The following FGGY variants were observed in gnomAD, a reference collection of about 807,000 sequenced individuals.
The protein encoded by FGGY is FGGY carbohydrate kinase domain containing.
A neutral mutation model predicts 71.3 loss-of-function variants in FGGY; 72 were observed. The observed-to-expected ratio is 1.01, with a 90% CI of 0.84 to 1.23. The LOEUF is 1.23. FGGY is among the 50% of genes most tolerant of loss of function. FGGY has a pLI of 0.00. For synonymous variants in FGGY, 251 were observed against 250.3 expected, an observed-to-expected ratio of 1.00 and a Z score of -0.02; for missense variants, 668 against 682.3, an observed-to-expected ratio of 0.98 and a Z score of 0.23.
At chr1:59,700,765 A>T (rs907863265) in intron 14 of FGGY, among the ~76,000 whole-genome samples, 1 of 152,218 alleles carries the variant, frequency 6.6e-6, no homozygotes, top group Admixed American at 6.5e-5. Flanking sequence ...ATGTTACAAA[A>T]GAAAGCAAAG....
chr1:59,462,968 A>G (rs1326878697), intron 6 of FGGY, among the ~76,000 whole-genome samples: 1 of 152,056 alleles, frequency 6.6e-6, no homozygotes, highest in Admixed American at 6.6e-5. Flanking sequence ...GTATATACCC[A>G]AAGGACTATA....
At chr1:59,512,241 A>C in intron 6 of FGGY, 70 bp from the exon 7 acceptor site, 4 of 1,465,894 alleles carry the variant, frequency 2.7e-6, no homozygotes, top group Non-Finnish European at 3.7e-6. Flanking sequence ...AGTTTCTCTT[A>C]AAAAAAACCC....
chr1:59,310,357 GA>G (rs1470730766), intron 1 of FGGY, among the ~76,000 whole-genome samples: 1 of 152,174 alleles, frequency 6.6e-6, no homozygotes, highest in Admixed American at 6.5e-5. Flanking sequence ...AGTGAGGGGA[GA>G]AACTGTGTAT....
At chr1:59,465,513 C>T (rs531006977) in intron 6 of FGGY, among the ~76,000 whole-genome samples, 1 of 152,244 alleles carries the variant, frequency 6.6e-6, no homozygotes, top group East Asian at 1.9e-4. Flanking sequence ...CCAGGGCAGT[C>T]AGGCAAGAGA....
intron 1 of FGGY, among the ~76,000 whole-genome samples, chr1:59,321,253 G>A (rs903509630): frequency 2.6e-5 from 4 of 152,102 alleles, no homozygotes; most frequent in Non-Finnish European, 5.9e-5. Flanking sequence ...TGCCCTTACA[G>A]CACTCATCAC....
chr1:59,741,615 G>A (rs2098148306), intron 14 of FGGY, among the ~76,000 whole-genome samples: 2 of 152,184 alleles, frequency 1.3e-5, no homozygotes, highest in African/African-American at 2.4e-5. Context: ...ACCAACCTGG[G>A]TAACATAGTG....
At chr1:59,497,353 C>T (rs902875081) in intron 6 of FGGY, among the ~76,000 whole-genome samples, 1 of 152,120 alleles carries the variant, frequency 6.6e-6, no homozygotes. Flanking sequence ...TTTGCGAGGC[C>T]GAGGCAGCAG....
At chr1:59,628,052 A>C (rs1308044200) in intron 10 of FGGY, among the ~76,000 whole-genome samples, 2 of 152,226 alleles carry the variant, frequency 1.3e-5, no homozygotes, top group Admixed American at 6.5e-5. Flanking sequence ...TCATTAATGG[A>C]TGCTAAAATT....
chr1:59,493,200 A>G (rs1242705982), intron 6 of FGGY, among the ~76,000 whole-genome samples: 1 of 151,960 alleles, frequency 6.6e-6, no homozygotes, highest in Admixed American at 6.6e-5. Context: ...GTGGGAATGT[A>G]AAATGGTGTG....
At chr1:59,548,909 G>T (rs1255250995) in intron 7 of FGGY, among the ~76,000 whole-genome samples, 5 of 152,156 alleles carry the variant, frequency 3.3e-5, no homozygotes, top group Admixed American at 6.5e-5. Context: ...ATATTGTAGA[G>T]ATGTGGAAAT....
intron 8 of FGGY, among the ~76,000 whole-genome samples, chr1:59,557,261 A>C (rs1276173275): frequency 6.6e-6 from 1 of 152,172 alleles, no homozygotes; most frequent in African/African-American, 2.4e-5. Flanking sequence ...CGGGCTTTTC[A>C]AAAAGTGGTT....
At position 59,305,945 on chromosome 1, in the gene FGGY, A is replaced by G. The variant is rs191171104; in HGVS notation, c.-15+8795A>G. ...GCCTTTTTGTTCTCCACAGACTTTC[A>G]GCTCTGTCTCCTCAACTCAGGGAGA... On this transcript the variant is annotated intron_variant, in intron 1 of 15. Transcript: ENST00000303721. Among the ~76,000 whole-genome samples the G allele has an allele frequency of 2.6e-5, 4 of 152,192 alleles. No homozygotes were observed. The East Asian group carries it at 7.7e-4, about 29-fold the overall frequency.
In FGGY at chr1:59,528,132, C is replaced by A. The variant is rs1316512805; in HGVS notation, c.799+15693C>A. Among the ~76,000 whole-genome samples, 3 of 152,188 alleles carry A rather than the reference C, an allele frequency of 2.0e-5. No homozygotes were observed. The East Asian group carries it at 5.8e-4, about 29-fold the overall frequency. ...AGAGGGGCAGACTAATTAGACTCAA[C>A]GTTGTTTACCATCAAAAACTGTCTG... On this transcript the variant is annotated intron_variant, in intron 7 of 15. Transcript: ENST00000303721.
intron 6 of FGGY, among the ~76,000 whole-genome samples, chr1:59,503,303 C>T (rs1355927534): frequency 6.6e-6 from 1 of 151,978 alleles, no homozygotes; most frequent in African/African-American, 2.4e-5. Flanking sequence ...TGACTAAAAG[C>T]TCATAGGTTT....
At chr1:59,405,190 G>T (rs1033446310) in intron 5 of FGGY, among the ~76,000 whole-genome samples, 2 of 152,158 alleles carry the variant, frequency 1.3e-5, no homozygotes, top group African/African-American at 4.8e-5. Context: ...GATCCTGAAG[G>T]CATGAGCAAG....
At chr1:59,576,673 GACAGAC>G (rs758456127) in intron 8 of FGGY, among the ~76,000 whole-genome samples, 97 of 132,394 alleles carry the variant, frequency 7.3e-4, no homozygotes, top group South Asian at 1.5e-3. Context: ...CAGACAGACA[GACAGAC>G]ACACACACAC....
At chr1:59,516,772 C>A (rs901018357) in intron 7 of FGGY, among the ~76,000 whole-genome samples, 1 of 152,126 alleles carries the variant, frequency 6.6e-6, no homozygotes, top group Non-Finnish European at 1.5e-5. Flanking sequence ...ACCAACAAAC[C>A]CTGACAACTG....
intron 8 of FGGY, among the ~76,000 whole-genome samples, chr1:59,602,350 G>A (rs1199242372): frequency 6.6e-6 from 1 of 152,122 alleles, no homozygotes; most frequent in Non-Finnish European, 1.5e-5. Context: ...TATATGTGAA[G>A]AACCTAGAAG....
intron 14 of FGGY, among the ~76,000 whole-genome samples, chr1:59,709,643 A>G (rs1437468144): frequency 6.6e-6 from 1 of 152,192 alleles, no homozygotes; most frequent in East Asian, 1.9e-4. Context: ...AGCGGAGGAA[A>G]CATTTAGAGG....
Sources: gnomAD v4.1 joint callset for allele counts (sites outside exome capture counted in the v4.1 genomes callset) on GRCh38, gnomAD v4.1.1 for gene constraint, MANE v1.5 for transcripts, NCBI Gene and HGNC (gene_info 2026-07-23, HGNC 2026-07-21) for gene names.